Variants in RHBDL3 observed in about 807,000 individuals in gnomAD.
The protein encoded by RHBDL3 is rhomboid like 3, also known as rhomboid-related protein 3.
RHBDL3 carries 28 observed loss-of-function variants against 48.2 expected under a neutral mutation model. That is an observed-to-expected ratio of 0.58 (90% CI 0.43 to 0.80). The LOEUF is 0.80. RHBDL3 is among the 30% of genes least tolerant of loss of function. RHBDL3 has a pLI of 0.00. For missense variants in RHBDL3, 464 were observed against 542.7 expected, an observed-to-expected ratio of 0.85 and a Z score of 1.44; for synonymous variants, 208 against 232.3, an observed-to-expected ratio of 0.90 and a Z score of 0.95.
At chr17:32,319,741 G>A (rs1458503537) in intron 8 of RHBDL3, among the ~76,000 whole-genome samples, 1 of 152,196 alleles carries the variant, frequency 6.6e-6, no homozygotes, top group Non-Finnish European at 1.5e-5. Flanking sequence ...GAAGTGCCCT[G>A]GCTCATTAAC....
At chr17:32,285,129 G>GGA (rs1346211911) in intron 3 of RHBDL3, among the ~76,000 whole-genome samples, 1 of 150,068 alleles carries the variant, frequency 6.7e-6, no homozygotes, top group African/African-American at 2.5e-5. Flanking sequence ...AGGGAGGGAG[G>GGA]GAGAGAGAGA....
chr17:32,285,298 A>G (rs2040170156), intron 3 of RHBDL3, among the ~76,000 whole-genome samples: 1 of 152,174 alleles, frequency 6.6e-6, no homozygotes, highest in Non-Finnish European at 1.5e-5. Flanking sequence ...GCGTTAAATC[A>G]ATCATTGCCC....
Position 32,322,517 on chromosome 17 carries a change from G to A in RHBDL3, c.*1288G>A, listed in dbSNP as rs114302680. ...GAAAGAGCTTTGGGGGCGCAAGAGA[G>A]GCTGGGGTAGGAATGTTGAGGCCAT... is the stretch of plus-strand genomic sequence containing the variant. On this transcript the variant is annotated 3_prime_UTR_variant, in exon 9 of 9. Transcript: ENST00000269051. 6.6e-3 allele frequency: 1,002 copies of A among 152,436 alleles called. 6 individuals are homozygous for A. Among genetic ancestry groups the A allele is most frequent in the African/African-American group, 0.023 (964 of 41,562 alleles). The allele number at this position is 152,436 out of a possible 1,614,324, so 9.4% of individuals were successfully genotyped here. A position where few individuals can be genotyped will look rare whatever the true frequency, so the allele number is the denominator to read the frequency against.
chr17:32,270,453 C>T (rs112675793), intron 2 of RHBDL3, among the ~76,000 whole-genome samples: 13 of 151,806 alleles, frequency 8.6e-5, no homozygotes, highest in Non-Finnish European at 1.3e-4. Context: ...TCTAGCATGA[C>T]GCCAACTGGA....
intron 4 of RHBDL3, among the ~76,000 whole-genome samples, chr17:32,291,848 T>G (rs1305810844): frequency 6.8e-6 from 1 of 147,768 alleles, no homozygotes; most frequent in Non-Finnish European, 1.5e-5. Context: ...CTTGGCTCAC[T>G]GCAACCTCCG....
At position 32,323,484 on chromosome 17, in the gene RHBDL3, A is replaced by G. The variant is rs117942720; in HGVS notation, c.*2255A>G. On this transcript the variant is annotated 3_prime_UTR_variant, in exon 9 of 9. Transcript: ENST00000269051. ...TGGAGGGATGGAGAATCCCCTCCAG[A>G]TTCCTGTCCTGGCCCCTGGGGATTC... 1,783 of 152,532 alleles carry G rather than the reference A, an allele frequency of 0.012. 17 individuals carry two copies. Among genetic ancestry groups the G allele is most frequent in the Non-Finnish European group, 0.02 (1,354 of 68,280 alleles). 9.4% of individuals were successfully genotyped at this position (152,532 alleles called of 1,614,324 possible). A position where few individuals can be genotyped will look rare whatever the true frequency, so the allele number is the denominator to read the frequency against.
intron 6 of RHBDL3, among the ~76,000 whole-genome samples, chr17:32,298,526 C>A (rs2040508766): frequency 6.6e-6 from 1 of 152,208 alleles, no homozygotes; most frequent in East Asian, 1.9e-4. Context: ...CTCTTTTGGC[C>A]ATGTTAAGCT....
At position 32,298,212 on chromosome 17, in the gene RHBDL3, G is replaced by A. The variant is rs759519201; in HGVS notation, c.781+8G>A. The A allele has an allele frequency of 1.3e-6, 2 of 1,593,850 alleles. No homozygotes were observed. The highest frequency in any genetic ancestry group is 2.7e-5 in the African/African-American group (2 of 74,642). The stretch of plus-strand genomic sequence containing the variant: ...TGGCCGGTGTTGTGGCAGGTAGGCA[G>A]GTAGGCCCCGTGTCCACAAAGGCAC... On this transcript the variant is annotated splice_region_variant and intron_variant, in intron 6 of 8. Coordinates refer to ENST00000269051, the MANE Select transcript of RHBDL3 (RefSeq NM_138328.3).
intron 7 of RHBDL3, among the ~76,000 whole-genome samples, chr17:32,314,269 A>G (rs993903730): frequency 1.3e-5 from 2 of 152,124 alleles, no homozygotes; most frequent in Non-Finnish European, 2.9e-5. Flanking sequence ...GAAACCAAAT[A>G]TATAGACATA....
At chr17:32,287,505 T>A (rs1424885963) in intron 3 of RHBDL3, among the ~76,000 whole-genome samples, 1 of 152,078 alleles carries the variant, frequency 6.6e-6, no homozygotes, top group Non-Finnish European at 1.5e-5. Flanking sequence ...GGGGCGAGCT[T>A]TAAGCTAGAT....
chr17:32,298,015 A>G, intron 5 of RHBDL3, 77 bp from the exon 6 acceptor site: 1 of 1,041,542 alleles, frequency 9.6e-7, no homozygotes. Flanking sequence ...ATCTTGGGGG[A>G]TGCAGGTGTT....
rs1335488872 is a variant in RHBDL3, at chr17:32,323,829, A to T, written c.*2600A>T. On this transcript the variant is annotated 3_prime_UTR_variant, in exon 9 of 9. Transcript: ENST00000269051. Reference sequence around the variant, plus strand: ...CCAACCATGACTTCCAAGCGGGGCCACAGGGTGGGGTCATAGGGTCACTTC... The same window carrying T: ...CCAACCATGACTTCCAAGCGGGGCCTCAGGGTGGGGTCATAGGGTCACTTC... The T allele has an allele frequency of 6.5e-6, 1 of 152,692 alleles. No homozygotes were observed. Among genetic ancestry groups the T allele is most frequent in the African/African-American group, 2.4e-5 (1 of 41,420 alleles). The allele number at this position is 152,692 out of a possible 1,614,324, so 9.5% of individuals were successfully genotyped here.
intron 2 of RHBDL3, among the ~76,000 whole-genome samples, chr17:32,277,063 G>A (rs1375378281): frequency 6.6e-6 from 1 of 152,224 alleles, no homozygotes; most frequent in African/African-American, 2.4e-5. Context: ...CATGGGAGAA[G>A]ACAATGGGGA....
chr17:32,295,383 C>T lies in RHBDL3; in HGVS notation c.668+941C>T, dbSNP rs151282496. ...TTTCGGGTGAAGAGACCTGAATGAA[C>T]GCCTCTGCTCAGGCCAAAGAGGACC... On this transcript the variant is annotated intron_variant, in intron 5 of 8. Coordinates refer to ENST00000269051, the MANE Select transcript of RHBDL3 (RefSeq NM_138328.3). Among the ~76,000 whole-genome samples the T allele has an allele frequency of 4.8e-3, 732 of 152,354 alleles. 17 individuals carry two copies. The highest frequency in any genetic ancestry group is 0.033 in the Admixed American group (503 of 15,302).
Position 32,295,041 on chromosome 17 carries a change from T to G in RHBDL3, c.668+599T>G, listed in dbSNP as rs34424301. Among the ~76,000 whole-genome samples the G allele has an allele frequency of 4.6e-3, 695 of 152,220 alleles. 3 individuals are homozygous for G. The highest frequency in any genetic ancestry group is 0.016 in the African/African-American group (645 of 41,542). ...CCCTTGAAGAGCAGTCTGGAGGCTTTTATATGGTAGAAGCACTTTGATGGG... is the reference window on the plus strand; with the variant it reads ...CCCTTGAAGAGCAGTCTGGAGGCTTGTATATGGTAGAAGCACTTTGATGGG... On this transcript the variant is annotated intron_variant, in intron 5 of 8. Coordinates refer to ENST00000269051, the MANE Select transcript of RHBDL3 (RefSeq NM_138328.3).
intron 2 of RHBDL3, among the ~76,000 whole-genome samples, chr17:32,282,646 G>A (rs76547804): frequency 4.0e-5 from 6 of 151,806 alleles, no homozygotes; most frequent in East Asian, 1.9e-4. Flanking sequence ...TTTTTGAGAC[G>A]GAGTCTCACT....
At chr17:32,312,058 G>A (rs957839989) in intron 7 of RHBDL3, among the ~76,000 whole-genome samples, 1 of 151,632 alleles carries the variant, frequency 6.6e-6, no homozygotes, top group Non-Finnish European at 1.5e-5. Flanking sequence ...TCAGATAAAG[G>A]AGAGAGCTGT....
At chr17:32,274,250 G>A (rs1408285307) in intron 2 of RHBDL3, among the ~76,000 whole-genome samples, 19 of 152,206 alleles carry the variant, frequency 1.2e-4, no homozygotes. Context: ...CAGGTAGACA[G>A]GGCTAGCACT....
intron 7 of RHBDL3, among the ~76,000 whole-genome samples, chr17:32,307,573 G>C (rs1203746381): frequency 6.6e-6 from 1 of 152,190 alleles, no homozygotes; most frequent in Non-Finnish European, 1.5e-5. Flanking sequence ...GACAGACACT[G>C]AGTACCTGCC....
Sources: gnomAD v4.1 joint callset for allele counts (sites outside exome capture counted in the v4.1 genomes callset) on GRCh38, gnomAD v4.1.1 for gene constraint, MANE v1.5 for transcripts, NCBI Gene and HGNC (gene_info 2026-07-23, HGNC 2026-07-21) for gene names.